NRG3: variants seen among roughly 807,000 people sequenced by gnomAD.
The protein encoded by NRG3 is pro-neuregulin-3, membrane-bound isoform.
A neutral mutation model predicts 66.9 loss-of-function variants in NRG3; 31 were observed. The observed-to-expected ratio is 0.46, with a 90% confidence interval of 0.35 to 0.63. NRG3 has a LOEUF of 0.63. NRG3 is among the 20% of genes least tolerant of loss of function. The probability of loss-of-function intolerance (pLI) is 0.00; values close to 1 mark genes in which losing one functional copy is unlikely to be tolerated. For synonymous variants in NRG3, 393 were observed against 359.4 expected, an observed-to-expected ratio of 1.09 and a Z score of -1.06; for missense variants, 910 against 878.9, an observed-to-expected ratio of 1.04 and a Z score of -0.45.
At chr10:82,960,794 G>A (rs568690937) in intron 6 of NRG3, among the ~76,000 whole-genome samples, 47 of 152,006 alleles carry the variant, frequency 3.1e-4, no homozygotes, top group African/African-American at 1.1e-3. Flanking sequence ...CCCCCACTGA[G>A]CACCTTGTGA....
At chr10:82,152,969 T>C (rs2070889758) in intron 1 of NRG3, among the ~76,000 whole-genome samples, 1 of 151,984 alleles carries the variant, frequency 6.6e-6, no homozygotes, top group African/African-American at 2.4e-5. Flanking sequence ...TACAATGTGA[T>C]ACTTTGATAC....
chr10:82,230,853 C>CA (rs1187958396), intron 1 of NRG3, among the ~76,000 whole-genome samples: 2 of 151,068 alleles, frequency 1.3e-5, no homozygotes, highest in Admixed American at 6.6e-5. Context: ...TAGCTGAAGG[C>CA]AAAAAAATGC....
intron 4 of NRG3, among the ~76,000 whole-genome samples, chr10:82,865,797 C>A (rs1455404741): frequency 6.6e-6 from 1 of 152,138 alleles, no homozygotes; most frequent in Non-Finnish European, 1.5e-5. Context: ...TGCAACATGG[C>A]AAACACTCAA....
chr10:82,736,972 A>ATCTTG (rs2058186387), intron 2 of NRG3, among the ~76,000 whole-genome samples: 1 of 152,192 alleles, frequency 6.6e-6, no homozygotes, highest in Non-Finnish European at 1.5e-5. Context: ...TGGTACGATA[A>ATCTTG]TTCTGAATAA....
At chr10:82,809,129 A>G (rs915987673) in intron 3 of NRG3, among the ~76,000 whole-genome samples, 5 of 152,228 alleles carry the variant, frequency 3.3e-5, no homozygotes, top group African/African-American at 1.2e-4. Context: ...GGGAACAGCC[A>G]TGAGAAGCCA....
chr10:82,321,787 G>GATGTGTAT (rs1386650084), intron 1 of NRG3, among the ~76,000 whole-genome samples: 1 of 152,204 alleles, frequency 6.6e-6, no homozygotes, highest in East Asian at 1.9e-4. Context: ...AGGCAGCAGA[G>GATGTGTAT]ATGTGTATAT....
At chr10:82,136,898 T>G (rs1034849726) in intron 1 of NRG3, among the ~76,000 whole-genome samples, 2 of 152,312 alleles carry the variant, frequency 1.3e-5, no homozygotes, top group African/African-American at 4.8e-5. Context: ...TTCAAACACA[T>G]AGATTCTTCA....
chr10:82,607,287 A>C (rs891881517), intron 2 of NRG3, among the ~76,000 whole-genome samples: 4 of 152,172 alleles, frequency 2.6e-5, no homozygotes, highest in Admixed American at 6.6e-5. Flanking sequence ...ACACACTCTA[A>C]GGAATATATG....
At chr10:82,679,603 T>A (rs1230812478) in intron 2 of NRG3, among the ~76,000 whole-genome samples, 1 of 152,212 alleles carries the variant, frequency 6.6e-6, no homozygotes, top group Non-Finnish European at 1.5e-5. Context: ...TCAAAAATTA[T>A]TAAGAATTTT....
intron 1 of NRG3, among the ~76,000 whole-genome samples, chr10:82,245,093 A>C (rs1045658960): frequency 6.6e-6 from 1 of 152,166 alleles, no homozygotes; most frequent in Non-Finnish European, 1.5e-5. Flanking sequence ...ACAATGAAAT[A>C]ATTATACAAC....
intron 3 of NRG3, among the ~76,000 whole-genome samples, chr10:82,747,656 T>C (rs886849992): frequency 6.6e-6 from 1 of 152,076 alleles, no homozygotes; most frequent in Non-Finnish European, 1.5e-5. Flanking sequence ...TTATTTTTCT[T>C]TGCTCACTTT....
chr10:82,356,661 A>G (rs1193827990), intron 1 of NRG3, among the ~76,000 whole-genome samples: 1 of 152,194 alleles, frequency 6.6e-6, no homozygotes, highest in African/African-American at 2.4e-5. Flanking sequence ...CCATTGCAAT[A>G]CCAATAGTGG....
chr10:82,537,923 C>T (rs1337109439), intron 2 of NRG3, among the ~76,000 whole-genome samples: 1 of 152,074 alleles, frequency 6.6e-6, no homozygotes, highest in Non-Finnish European at 1.5e-5. Context: ...TGAGAAGCAG[C>T]AGTGTTGCTG....
At chr10:81,979,192 A>C (rs969483908) in intron 1 of NRG3, among the ~76,000 whole-genome samples, 2 of 130,326 alleles carry the variant, frequency 1.5e-5, no homozygotes, top group Non-Finnish European at 1.7e-5. Context: ...CGTCTCAAAA[A>C]AAAAAAAAAA....
chr10:82,043,516 T>C (rs922956048), intron 1 of NRG3, among the ~76,000 whole-genome samples: 1 of 152,078 alleles, frequency 6.6e-6, no homozygotes, highest in Non-Finnish European at 1.5e-5. Context: ...GTAGTTCTTT[T>C]TATCAAATAA....
chr10:82,774,389 C>T (rs995287620), intron 3 of NRG3, among the ~76,000 whole-genome samples: 1 of 152,134 alleles, frequency 6.6e-6, no homozygotes, highest in East Asian at 1.9e-4. Flanking sequence ...ATGAAGTAAT[C>T]TGGCTCTAGG....
At chr10:82,556,241 G>A (rs2132949626) in intron 2 of NRG3, among the ~76,000 whole-genome samples, 1 of 152,048 alleles carries the variant, frequency 6.6e-6, no homozygotes, top group South Asian at 2.1e-4. Context: ...ATTCCACAGG[G>A]CTCCTTCACT....
chr10:82,502,581 G>T lies in NRG3; in HGVS notation c.953+143713G>T, dbSNP rs182654550. Among the ~76,000 whole-genome samples the T allele has an allele frequency of 2.6e-5, 4 of 152,032 alleles. No individual in the cohort carries two copies. In the East Asian group the frequency reaches 5.8e-4, roughly 22 times the overall value. On this transcript the variant is annotated intron_variant, in intron 2 of 8. Transcript: ENST00000372141. ...AAGGTGATTATATTTCTATATTTTG[G>T]CAAGAACACTGGAACCGAAGTCAGG...
intron 1 of NRG3, among the ~76,000 whole-genome samples, chr10:81,990,191 A>ATT (rs1484796173): frequency 6.6e-6 from 1 of 152,130 alleles, no homozygotes; most frequent in Non-Finnish European, 1.5e-5. Flanking sequence ...GCTGTGGATT[A>ATT]TTTCCAAGCT....
Sources: gnomAD v4.1 joint callset for allele counts (sites outside exome capture counted in the v4.1 genomes callset) on GRCh38, gnomAD v4.1.1 for gene constraint, MANE v1.5 for transcripts, NCBI Gene and HGNC (gene_info 2026-07-23, HGNC 2026-07-21) for gene names.